The following HERC3 variants were observed in gnomAD, a reference collection of about 807,000 sequenced individuals.
HERC3 encodes HECT and RLD domain containing E3 ubiquitin protein ligase 3.
A neutral mutation model predicts 129.9 loss-of-function variants in HERC3; 58 were observed. The ratio of observed to expected loss-of-function variants is 0.45; its 90% CI spans 0.36 to 0.56. The LOEUF (loss-of-function observed/expected upper bound fraction) is 0.56, where lower values mean the gene tolerates loss of function less well. Among genes scored for constraint, HERC3 ranks in the 20% least tolerant of loss-of-function variants. HERC3 has a pLI of 0.00. For missense variants in HERC3, 835 were observed against 1,244.2 expected, an observed-to-expected ratio of 0.67 and a Z score of 4.95; for synonymous variants, 430 against 451.0, an observed-to-expected ratio of 0.95 and a Z score of 0.59.
intron 10 of HERC3, among the ~76,000 whole-genome samples, chr4:88,658,739 T>G (rs1176231444): frequency 6.6e-6 from 1 of 152,192 alleles, no homozygotes; most frequent in African/African-American, 2.4e-5. Flanking sequence ...ATATTTGTAC[T>G]TGTTCCAGAA....
At chr4:88,618,501 A>T (rs1725165999) in intron 3 of HERC3, among the ~76,000 whole-genome samples, 2 of 152,242 alleles carry the variant, frequency 1.3e-5, no homozygotes, top group African/African-American at 4.8e-5. Context: ...CTACTCTTTC[A>T]TATAGAGTGG....
intron 23 of HERC3, among the ~76,000 whole-genome samples, chr4:88,700,419 C>T (rs924983608): frequency 3.3e-5 from 5 of 152,170 alleles, no homozygotes; most frequent in South Asian, 4.2e-4. Context: ...AAAGGAAGAC[C>T]GGAGGCTGCT....
At chr4:88,673,599 A>G (rs1038180047) in intron 16 of HERC3, among the ~76,000 whole-genome samples, 1 of 152,200 alleles carries the variant, frequency 6.6e-6, no homozygotes, top group Non-Finnish European at 1.5e-5. Flanking sequence ...CTCTCAGGAG[A>G]TAATCATGTA....
intron 9 of HERC3, 136 bp downstream of exon 9, chr4:88,656,171 A>G (rs1053632512): frequency 1.3e-6 from 1 of 772,406 alleles, no homozygotes. Context: ...TCAATTAATA[A>G]TTTCTGTACT....
intron 3 of HERC3, among the ~76,000 whole-genome samples, chr4:88,636,349 A>G (rs1173090772): frequency 6.6e-6 from 1 of 152,330 alleles, no homozygotes; most frequent in East Asian, 1.9e-4. Flanking sequence ...TTGCAATCCT[A>G]GTCTCTGACA....
At chr4:88,623,978 CTGCT>C (rs974502512) in intron 3 of HERC3, among the ~76,000 whole-genome samples, 8 of 152,286 alleles carry the variant, frequency 5.3e-5, no homozygotes, top group Admixed American at 5.2e-4. Flanking sequence ...TTTGTTCCCC[CTGCT>C]TTTTTGTCAC....
At chr4:88,552,275 A>G in the HERC3 span, among the ~76,000 whole-genome samples, 1 of 149,848 alleles carries the variant, frequency 6.7e-6, no homozygotes, top group Non-Finnish European at 1.5e-5. Flanking sequence ...CCTAAAACTT[A>G]AAGTATAAAA....
chr4:88,670,218 A>T lies in HERC3; in HGVS notation c.1877A>T (p.Asp626Val). 1.2e-6 allele frequency: 2 copies of T among 1,612,660 alleles called. No individual in the cohort carries two copies. The highest frequency in any genetic ancestry group is 1.7e-6 in the Non-Finnish European group (2 of 1,178,690). ...TCCAATCTCGTGGACATTCAGGAAG[A>T]CTACCTCATGTGGTTCTTGCATCAA... ...EISNLVDIQEDYLMWFLHQAG... is the reference protein window; with the variant it reads ...EISNLVDIQEVYLMWFLHQAG... The change falls in exon 16 of 26, where the codon GAC becomes GTC. Residue 626 changes from aspartate to valine, a missense_variant. Coordinates refer to ENST00000402738, the MANE Select transcript of HERC3 (RefSeq NM_014606.3).
At chr4:88,585,835 G>A in the HERC3 span, among the ~76,000 whole-genome samples, 1 of 147,304 alleles carries the variant, frequency 6.8e-6, no homozygotes, top group Non-Finnish European at 1.5e-5. Context: ...TTAACTAGAA[G>A]ATTTTAACAT....
intron 23 of HERC3, among the ~76,000 whole-genome samples, chr4:88,703,075 A>G (rs1341597629): frequency 6.6e-6 from 1 of 152,180 alleles, no homozygotes; most frequent in African/African-American, 2.4e-5. Context: ...ATAGGCCAGG[A>G]TGTGATTAAT....
intron 8 of HERC3, 152 bp from the exon 9 acceptor site, chr4:88,655,723 A>G (rs1243006067): frequency 4.3e-5 from 30 of 694,096 alleles, no homozygotes; most frequent in Non-Finnish European, 7.0e-5. Flanking sequence ...TATTATGGAG[A>G]GCAGCCGCTG....
chr4:88,637,864 A>G (rs1185997242), intron 3 of HERC3, among the ~76,000 whole-genome samples: 1 of 152,142 alleles, frequency 6.6e-6, no homozygotes, highest in Admixed American at 6.5e-5. Flanking sequence ...AATAAAGAAG[A>G]AAAGAAGAAT....
chr4:88,628,414 C>G (rs1726367720), intron 3 of HERC3, among the ~76,000 whole-genome samples: 1 of 151,982 alleles, frequency 6.6e-6, no homozygotes. Context: ...TTTAATTTTT[C>G]TACCTTTTAT....
At chr4:88,671,937 T>C in intron 16 of HERC3, among the ~76,000 whole-genome samples, 1 of 152,204 alleles carries the variant, frequency 6.6e-6, no homozygotes, top group Non-Finnish European at 1.5e-5. Context: ...TTAGGAATTA[T>C]TAAAAAATAA....
At chr4:88,647,652 A>G (rs1409705815) in intron 3 of HERC3, among the ~76,000 whole-genome samples, 1 of 151,826 alleles carries the variant, frequency 6.6e-6, no homozygotes, top group African/African-American at 2.4e-5. Flanking sequence ...TCTGTTTATT[A>G]TGGTAATTTC....
At chr4:88,663,905 A>G (rs1009183419) in intron 11 of HERC3, among the ~76,000 whole-genome samples, 5 of 152,174 alleles carry the variant, frequency 3.3e-5, no homozygotes, top group Non-Finnish European at 7.3e-5. Context: ...TTATTGGGAC[A>G]AGAGGTTTTC....
intron 5 of HERC3, 29 bp downstream of exon 5, chr4:88,652,117 C>T: frequency 6.9e-7 from 1 of 1,443,960 alleles, no homozygotes; most frequent in Non-Finnish European, 9.7e-7. Flanking sequence ...TATGCTAATG[C>T]TATGTTAATT....
At chr4:88,563,972 A>G in the HERC3 span, among the ~76,000 whole-genome samples, 1 of 151,906 alleles carries the variant, frequency 6.6e-6, no homozygotes, top group Non-Finnish European at 1.5e-5. Context: ...TTTTATATCC[A>G]GTTTTTTTGA....
At chr4:88,663,011 AAAC>A (rs777720903) in intron 11 of HERC3, among the ~76,000 whole-genome samples, 11 of 152,238 alleles carry the variant, frequency 7.2e-5, no homozygotes, top group Non-Finnish European at 1.3e-4. Flanking sequence ...AAAAAAAAAA[AAAC>A]AACAGTAAGT....
Sources: allele counts gnomAD v4.1 joint callset (sites outside exome capture counted in the v4.1 genomes callset), GRCh38; gene constraint gnomAD v4.1.1; transcripts MANE v1.5; gene names NCBI Gene and HGNC (gene_info 2026-07-23, HGNC 2026-07-21).